Variants in MED23 observed in about 807,000 individuals in gnomAD.
MED23 encodes the protein mediator complex subunit 23, also known as mediator of RNA polymerase II transcription subunit 23.
MED23 carries 105 observed loss-of-function variants against 163.9 expected under a neutral mutation model. The observed-to-expected ratio is 0.64, with a 90% confidence interval of 0.55 to 0.75. The LOEUF (loss-of-function observed/expected upper bound fraction) is 0.75. MED23 is among the 30% of genes least tolerant of loss of function. MED23 has a pLI of 0.00. For synonymous variants in MED23, 561 were observed against 565.6 expected (o/e 0.99, Z 0.12); for missense variants, 1,054 against 1,649.0 (o/e 0.64, Z 6.25).
chr6:131,615,066 C>CAAAAAATAA (rs1776564691), intron 10 of MED23, among the ~76,000 whole-genome samples: 1 of 68,242 alleles, frequency 1.5e-5, no homozygotes, highest in Non-Finnish European at 2.9e-5. Context: ...TCTTTGTTAC[C>CAAAAAATAA]AAAAAAAAAA....
intron 12 of MED23, among the ~76,000 whole-genome samples, chr6:131,607,088 T>C: frequency 6.6e-6 from 1 of 151,928 alleles, no homozygotes; most frequent in East Asian, 1.9e-4. Context: ...TGACTATTAA[T>C]GGGTAAAATG....
intron 10 of MED23, among the ~76,000 whole-genome samples, chr6:131,612,579 A>T (rs1223304307): frequency 6.6e-6 from 1 of 152,154 alleles, no homozygotes; most frequent in Admixed American, 6.5e-5. Flanking sequence ...AGTCTTCAAA[A>T]TACTGACATA....
chr6:131,614,883 T>G (rs1281482846), intron 10 of MED23, among the ~76,000 whole-genome samples: 1 of 152,012 alleles, frequency 6.6e-6, no homozygotes, highest in Non-Finnish European at 1.5e-5. Flanking sequence ...GTTGTTGTTA[T>G]TTTTCTTTAT....
chr6:131,603,647 T>C (rs1471067469), intron 15 of MED23, among the ~76,000 whole-genome samples: 4 of 152,176 alleles, frequency 2.6e-5, no homozygotes, highest in Admixed American at 6.5e-5. Context: ...AGAAGAGTTA[T>C]TGTGGTTAAA....
At chr6:131,617,033 A>G (rs991320495) in intron 9 of MED23, among the ~76,000 whole-genome samples, 4 of 151,722 alleles carry the variant, frequency 2.6e-5, no homozygotes, top group African/African-American at 9.7e-5. Flanking sequence ...TGATAAGCCT[A>G]GTTATATTTG....
downstream of MED23, chr6:131,583,223 A>T: frequency 5.0e-6 from 8 of 1,599,150 alleles, no homozygotes; most frequent in Non-Finnish European, 6.9e-6. Context: ...GCTACTGACA[A>T]CCAAAGTTAT....
At chr6:131,615,626 G>T in intron 10 of MED23, 1 of 544,012 alleles carries the variant, frequency 1.8e-6, no homozygotes, top group East Asian at 3.4e-5. Flanking sequence ...GTTGAGTCAT[G>T]TGTAGGTTTC....
chr6:131,574,434 T>C, intron 30 of MED23: 1 of 952,674 alleles, frequency 1.0e-6, no homozygotes, highest in Non-Finnish European at 1.7e-6. Context: ...CACAGAAATG[T>C]TCCTTTTAAA....
chr6:131,592,469 G>T lies in MED23; in HGVS notation c.3399-9C>A, dbSNP rs17060426. 6.2e-7 allele frequency: 1 copy of T among 1,612,240 alleles called. No homozygotes were observed. Among genetic ancestry groups the T allele is most frequent in the African/African-American group, 1.3e-5 (1 of 74,768 alleles). ...TTGGCACTAAAGGCTGACTGCAACC[G>T]GCAAAAAAGAATGTAAGTATGAATT... On this transcript the variant is annotated splice_polypyrimidine_tract_variant and intron_variant, in intron 24 of 28. Transcript: ENST00000368068.
In MED23 at chr6:131,618,710, C is replaced by T. The variant is rs527951640; in HGVS notation, c.668-191G>A. On this transcript the variant is annotated intron_variant, in intron 8 of 28. Coordinates refer to ENST00000368068, the MANE Select transcript of MED23 (RefSeq NM_004830.4). ...GTTCAGATAGTTGAAGATCAATTTG[C>T]ACAGGCTTTCCAAAGTTGAAAATAT... Among the ~76,000 whole-genome samples, 135 of 152,276 alleles carry T rather than the reference C, an allele frequency of 8.9e-4. 2 individuals are homozygous for T. Among genetic ancestry groups the T allele is most frequent in the Admixed American group, 2.6e-3 (40 of 15,298 alleles).
rs140452815 is a variant in MED23 at position 131,597,400 on chromosome 6, C to T, written c.2608-712G>A. ...CTGAGGCAGGATAATGGCGTGAACC[C>T]GGAAGGCAGAGCTTGCAGTGAGCCA... On this transcript the variant is annotated intron_variant, in intron 20 of 28. Transcript: ENST00000368068. Among the ~76,000 whole-genome samples the T allele has an allele frequency of 3.4e-3, 494 of 143,668 alleles. 4 individuals carry two copies. Among genetic ancestry groups the T allele is most frequent in the African/African-American group, 0.013 (473 of 36,886 alleles). 94.3% of individuals were successfully genotyped at this position (143,668 alleles called of 152,430 possible).
At chr6:131,590,939 G>T (rs1774571313) in intron 26 of MED23, among the ~76,000 whole-genome samples, 1 of 148,062 alleles carries the variant, frequency 6.8e-6, no homozygotes, top group Non-Finnish European at 1.5e-5. Context: ...AATGAATGAA[G>T]TATATACCTC....
chr6:131,620,767 T>G, intron 6 of MED23, 38 bp from the exon 7 acceptor site: 1 of 1,206,066 alleles, frequency 8.3e-7, no homozygotes, highest in Non-Finnish European at 1.2e-6. Context: ...TCTTGACTAG[T>G]CCCACATATA....
In MED23 at chr6:131,598,556, C is replaced by T. The variant is rs761051027; in HGVS notation, c.2426G>A (p.Arg809Lys). 1.2e-6 allele frequency: 2 copies of T among 1,613,998 alleles called. No homozygotes were observed. The highest frequency in any genetic ancestry group is 1.7e-6 in the Non-Finnish European group (2 of 1,179,984). ...AATGCAAATTAGGTTTTTGACTTAC[C>T]TATAGCCAATCTGATTAATATGATC... Reference protein sequence around the residue: ...ETDHINQIGYRVLERIGARAL... With the variant: ...ETDHINQIGYKVLERIGARAL... Residue 809 changes from arginine (R) to lysine (K), a missense_variant and splice_region_variant, in exon 19 of 29, where the codon AGA becomes AAA. By Grantham distance (26) the Arg-to-Lys change is conservative (BLOSUM62 2). Coordinates refer to ENST00000368068, the MANE Select transcript of MED23 (RefSeq NM_004830.4). The surrounding 1 kb of genome is among the most constrained non-coding windows in gnomAD (Gnocchi z 4.7).
rs957917490 is a variant in MED23 at position 131,597,494 on chromosome 6, A to G, written c.2607+793T>C. On this transcript the variant is annotated intron_variant, in intron 20 of 28. Transcript: ENST00000368068. ...CCATATCAAAAAAAAAAAAAAAAAA[A>G]AAAGAAAAAAAAAATTCTGCTGGAA... Among the ~76,000 whole-genome samples the G allele has an allele frequency of 3.8e-4, 57 of 150,250 alleles. No homozygotes were observed. The East Asian group carries it at 8.6e-3, about 23-fold the overall frequency.
At chr6:131,610,400 C>T in intron 10 of MED23, 154 bp from the exon 11 acceptor site, 1 of 742,698 alleles carries the variant, frequency 1.3e-6, no homozygotes. Context: ...ATTAAAGCTG[C>T]ATCATGTTAT....
intron 1 of MED23, 90 bp downstream of exon 1, chr6:131,627,921 G>C (rs1190871076): frequency 6.6e-6 from 10 of 1,511,402 alleles, no homozygotes; most frequent in Admixed American, 3.3e-5. Context: ...GGCGTGAGAG[G>C]AGGTTGCCCA....
Position 131,603,077 on chromosome 6 carries a change from A to G in MED23, c.1884T>C (p.His628=). The G allele has an allele frequency of 6.2e-7, 1 of 1,614,000 alleles. No homozygotes were observed. The highest frequency in any genetic ancestry group is 1.7e-5 in the Admixed American group (1 of 60,020). ...HYRVQLLSHL[H]TLAAVAQTNQ... ...TTGTTTGTGCAACTGCAGCCAAAGT[A>G]TGAAGATGACTCAGGAGCTGAACTC... The change falls in exon 16 of 29, where the codon CAT becomes CAC. Residue 628 remains histidine, a synonymous_variant. Transcript: ENST00000368068.
At chr6:131,596,242 GT>G in intron 21 of MED23, 79 bp from the exon 22 acceptor site, 2 of 1,289,152 alleles carry the variant, frequency 1.6e-6, no homozygotes, top group Non-Finnish European at 2.2e-6. Context: ...TGAAAACATT[GT>G]TTAGATTTTT....
Sources: gnomAD v4.1 joint callset for allele counts (sites outside exome capture counted in the v4.1 genomes callset) on GRCh38, gnomAD v4.1.1 for gene constraint, Gnocchi (gnomAD v3.1) non-coding constraint, MANE v1.5 for transcripts, NCBI Gene and HGNC (gene_info 2026-07-23, HGNC 2026-07-21) for gene names.